Variants in BUD23 observed in about 807,000 individuals in gnomAD.
The protein encoded by BUD23 is 18S rRNA (guanine-N(7))-methyltransferase.
A neutral mutation model predicts 47.0 loss-of-function variants in BUD23; 34 were observed. That is an observed-to-expected ratio of 0.72 (90% CI 0.55 to 0.96). The LOEUF (loss-of-function observed/expected upper bound fraction) is 0.96, where lower values mean the gene tolerates loss of function less well. BUD23 is among the 40% of genes least tolerant of loss of function. BUD23 has a pLI of 0.00. For missense variants in BUD23, 343 were observed against 361.2 expected, an observed-to-expected ratio of 0.95 and a Z score of 0.41; for synonymous variants, 124 against 132.0, an observed-to-expected ratio of 0.94 and a Z score of 0.41.
At position 73,692,662 on chromosome 7, in the gene BUD23, A is replaced by G. The variant is rs782663704; in HGVS notation, c.510+16A>G. The G allele has an allele frequency of 6.2e-7, 1 of 1,611,630 alleles. No homozygotes were observed. The highest frequency in any genetic ancestry group is 8.5e-7 in the Non-Finnish European group (1 of 1,178,018). On this transcript the variant is annotated intron_variant, in intron 7 of 11. Transcript: ENST00000265758. Reference sequence around the variant, plus strand: ...CTCAGAGCAGGTGAGTCCCTCGGCTACTGGGTGTGCCGGGGAGTTGGGGGA... The same window carrying G: ...CTCAGAGCAGGTGAGTCCCTCGGCTGCTGGGTGTGCCGGGGAGTTGGGGGA...
intron 5 of BUD23, 29 bp downstream of exon 5, chr7:73,687,124 T>C: frequency 6.2e-7 from 1 of 1,608,252 alleles, no homozygotes; most frequent in Non-Finnish European, 8.5e-7. Flanking sequence ...TGCTTTTATT[T>C]ATTTAGAGAC....
chr7:73,693,615 T>C lies in BUD23; in HGVS notation c.597-9T>C, dbSNP rs1798279625. On this transcript the variant is annotated splice_polypyrimidine_tract_variant and intron_variant, in intron 8 of 11. Transcript: ENST00000265758. Reference sequence around the variant, plus strand: ...CACCCAACCCTCACTTTGCACTTTCTCCTTTCAGATTCTACCTCTGCTTGT... The same window carrying C: ...CACCCAACCCTCACTTTGCACTTTCCCCTTTCAGATTCTACCTCTGCTTGT... 1 of 1,614,072 alleles carries C rather than the reference T, an allele frequency of 6.2e-7. No homozygotes were observed. The highest frequency in any genetic ancestry group is 8.5e-7 in the Non-Finnish European group (1 of 1,180,040).
rs1428520495 is a variant in BUD23 at position 73,697,987 on chromosome 7, T to G, written c.*101T>G. 5 of 1,430,914 alleles carry G rather than the reference T, an allele frequency of 3.5e-6. No individual in the cohort carries two copies. Among genetic ancestry groups the G allele is most frequent in the South Asian group, 1.4e-5 (1 of 69,642 alleles). The allele number at this position is 1,430,914 out of a possible 1,614,324, so 88.6% of individuals were successfully genotyped here. On this transcript the variant is annotated 3_prime_UTR_variant, in exon 12 of 12. Transcript: ENST00000265758. ...AAAAGTTCTAAAGTTATAAAAATGT[T>G]TTCTGCAGTAAAAAAAAAGTTCTCT...
At chr7:73,693,779 C>A in intron 9 of BUD23, 110 bp downstream of exon 9, 1 of 1,473,956 alleles carries the variant, frequency 6.8e-7, no homozygotes, top group African/African-American at 1.4e-5. Flanking sequence ...AGGGCCCAGC[C>A]CCAGAGTGCA....
chr7:73,697,414 G>T, intron 10 of BUD23, 191 bp from the exon 11 acceptor site: 1 of 1,535,302 alleles, frequency 6.5e-7, no homozygotes, highest in South Asian at 1.2e-5. Context: ...TCTGTGGCCC[G>T]GATGGATGTT....
intron 10 of BUD23, chr7:73,696,390 T>G (rs916525454): frequency 3.3e-5 from 5 of 152,220 alleles, no homozygotes. Context: ...CATTGCCTTA[T>G]CTCCATGTGT....
intron 11 of BUD23, 57 bp downstream of exon 11, chr7:73,697,751 G>A (rs1798482716): frequency 1.2e-6 from 2 of 1,610,306 alleles, no homozygotes; most frequent in South Asian, 1.1e-5. Context: ...CTATTGCCAT[G>A]AAGAGCTTCC....
chr7:73,690,736 G>A lies in BUD23; in HGVS notation c.363-180G>A, dbSNP rs1410010018. On this transcript the variant is annotated intron_variant, in intron 5 of 11. Coordinates refer to ENST00000265758, the MANE Select transcript of BUD23 (RefSeq NM_017528.5). Reference sequence around the variant, plus strand: ...CAATTCTGTCTTGGCCTCAGAAAGTGCTGGGATTACAGGGCGTTGAACCAC... The same window carrying A: ...CAATTCTGTCTTGGCCTCAGAAAGTACTGGGATTACAGGGCGTTGAACCAC... Among the ~76,000 whole-genome samples the A allele has an allele frequency of 2.0e-5, 3 of 152,286 alleles. 1 individual carries two copies. The highest frequency in any genetic ancestry group is 4.1e-4 in the South Asian group (2 of 4,828).
At chr7:73,697,810 G>A in intron 11 of BUD23, 22 bp from the exon 12 acceptor site, 2 of 1,612,830 alleles carry the variant, frequency 1.2e-6, no homozygotes, top group Non-Finnish European at 1.7e-6. Context: ...TTCTGAGACT[G>A]TCCTATTCCT....
In BUD23 at chr7:73,693,993, G is replaced by A; in HGVS notation, c.644G>A (p.Gly215Glu). 1 of 1,612,410 alleles carries A rather than the reference G, an allele frequency of 6.2e-7. No homozygotes were observed. Among genetic ancestry groups the A allele is most frequent in the Non-Finnish European group, 8.5e-7 (1 of 1,179,582 alleles). Reference sequence around the variant, plus strand: ...CTGAGTGCACTTTGGTTCCTGCAGGGGCTGAGTGAAAATCAGGATGAAGTT... The same window carrying A: ...CTGAGTGCACTTTGGTTCCTGCAGGAGCTGAGTGAAAATCAGGATGAAGTT... Reference protein sequence around the residue: ...FSGPSTFIPEGLSENQDEVEP... With the variant: ...FSGPSTFIPEELSENQDEVEP... Residue 215 changes from glycine to glutamate, a missense_variant and splice_region_variant, in exon 10 of 12, where the codon GGG becomes GAG. By Grantham distance (98) the Gly-to-Glu change is moderately conservative. Transcript: ENST00000265758.
At chr7:73,692,688 CT>C (rs782667261) in intron 7 of BUD23, 42 bp downstream of exon 7, 1 of 1,587,690 alleles carries the variant, frequency 6.3e-7, no homozygotes. Flanking sequence ...AGTTGGGGGA[CT>C]CAACAGGTAA....
At chr7:73,690,868 G>T in intron 5 of BUD23, 48 bp from the exon 6 acceptor site, 2 of 1,491,306 alleles carry the variant, frequency 1.3e-6, no homozygotes, top group South Asian at 1.1e-5. Context: ...GTGGTTGGGG[G>T]AGCAACGTGG....
At chr7:73,692,947 TCC>T (rs1798249949) in intron 7 of BUD23, 1 of 548,494 alleles carries the variant, frequency 1.8e-6, no homozygotes, top group Admixed American at 3.2e-5. Context: ...CCGACAGTTC[TCC>T]GTTGTGTGAT....
chr7:73,697,343 C>A, intron 10 of BUD23: 1 of 1,175,084 alleles, frequency 8.5e-7, no homozygotes, highest in Non-Finnish European at 1.2e-6. Context: ...ACAGACTGCT[C>A]GCTGGTGTTT....
chr7:73,694,206 C>A, intron 10 of BUD23, 156 bp downstream of exon 10: 2 of 769,526 alleles, frequency 2.6e-6, no homozygotes, highest in Non-Finnish European at 4.0e-6. Flanking sequence ...TGGACTGTGC[C>A]TGTTTGGGGC....
intron 2 of BUD23, among the ~76,000 whole-genome samples, chr7:73,685,647 C>T (rs1355458470): frequency 2.6e-5 from 4 of 152,092 alleles, no homozygotes; most frequent in African/African-American, 7.2e-5. Context: ...ACGGGATCCA[C>T]CCGCCTTGGC....
chr7:73,687,051 C>T lies in BUD23; in HGVS notation c.318C>T (p.Gly106=). The change falls in exon 5 of 12, where the codon GGC becomes GGT. Residue 106 remains glycine (G), a synonymous_variant. Coordinates refer to ENST00000265758, the MANE Select transcript of BUD23 (RefSeq NM_017528.5). ...IEGDLLLGDM[G]QGIPFKPGTF... is the part of the protein sequence containing the mutation. Reference sequence around the variant, plus strand: ...GAGACCTGCTGCTGGGGGATATGGGCCAGGGCATCCCATTCAAGCCAGGCA... The same window carrying T: ...GAGACCTGCTGCTGGGGGATATGGGTCAGGGCATCCCATTCAAGCCAGGCA... 6.2e-7 allele frequency: 1 copy of T among 1,613,958 alleles called. No homozygotes were observed. Among genetic ancestry groups the T allele is most frequent in the Non-Finnish European group, 8.5e-7 (1 of 1,180,030 alleles).
Position 73,698,066 on chromosome 7 carries a change from T to C in BUD23, c.*180T>C. The C allele has an allele frequency of 2.4e-6, 1 of 415,470 alleles. No homozygotes were observed. The highest frequency in any genetic ancestry group is 3.8e-6 in the Non-Finnish European group (1 of 262,592). 25.7% of individuals were successfully genotyped at this position (415,470 alleles called of 1,614,324 possible). A position where few individuals can be genotyped will look rare whatever the true frequency, so the allele number is the denominator to read the frequency against. ...ATCCCAGCACCTTGGGAGGCTGAGGTGGGAGGATCATTTGAGGCCAGGAGT... is the reference window on the plus strand; with the variant it reads ...ATCCCAGCACCTTGGGAGGCTGAGGCGGGAGGATCATTTGAGGCCAGGAGT... On this transcript the variant is annotated 3_prime_UTR_variant, in exon 12 of 12. Coordinates refer to ENST00000265758, the MANE Select transcript of BUD23 (RefSeq NM_017528.5).
In BUD23 at chr7:73,683,760, T is replaced by C; in HGVS notation, c.49-7T>C. The C allele has an allele frequency of 6.2e-7, 1 of 1,614,196 alleles. No homozygotes were observed. On this transcript the variant is annotated splice_region_variant and splice_polypyrimidine_tract_variant and intron_variant, in intron 1 of 11. Transcript: ENST00000265758. ...TTCCTCTACATGCCATTTTCTCTTT[T>C]TCGCAGTTTTATGACGAGACAGAAG...
Sources: gnomAD v4.1 joint callset for allele counts (sites outside exome capture counted in the v4.1 genomes callset) on GRCh38, gnomAD v4.1.1 for gene constraint, MANE v1.5 for transcripts, NCBI Gene and HGNC (gene_info 2026-07-23, HGNC 2026-07-21) for gene names.